FBLN1: variants seen among roughly 807,000 people sequenced by gnomAD.
FBLN1 encodes the protein fibulin-1.
In FBLN1, 34 loss-of-function variants were observed where a neutral mutation model predicts 89.7. The observed-to-expected ratio is 0.38, with a 90% confidence interval of 0.29 to 0.50. FBLN1 has a LOEUF of 0.50. FBLN1 is among the 20% of genes least tolerant of loss of function. The pLI is 0.92. For missense variants in FBLN1, 777 were observed against 988.1 expected (o/e 0.79, Z 2.86); for synonymous variants, 393 against 391.3 (o/e 1.00, Z -0.05).
intron 7 of FBLN1, among the ~76,000 whole-genome samples, chr22:45,534,606 G>T (rs1306171795): frequency 6.6e-6 from 1 of 152,162 alleles, no homozygotes; most frequent in Non-Finnish European, 1.5e-5. Flanking sequence ...TCAAAGCATG[G>T]CACACCCCTT....
At chr22:45,517,201 A>T (rs2088181370) in intron 1 of FBLN1, 1 of 237,056 alleles carries the variant, frequency 4.2e-6, no homozygotes, top group South Asian at 4.7e-5. Context: ...GCCCAGTGGG[A>T]TTTACCCTCT....
chr22:45,548,939 C>G (rs1310473271), intron 13 of FBLN1, among the ~76,000 whole-genome samples, 195 bp downstream of exon 13: 1 of 152,192 alleles, frequency 6.6e-6, no homozygotes, highest in Non-Finnish European at 1.5e-5. Flanking sequence ...CTCCTACACC[C>G]AGGCCCCAGC....
At chr22:45,596,733 A>G (rs912861894) in intron 16 of FBLN1, among the ~76,000 whole-genome samples, 1 of 147,724 alleles carries the variant, frequency 6.8e-6, no homozygotes, top group Admixed American at 6.8e-5. Context: ...TAAATTTTAG[A>G]GTAAATGTAA....
intron 14 of FBLN1, among the ~76,000 whole-genome samples, chr22:45,571,858 C>T (rs530742519): frequency 8.5e-5 from 13 of 152,236 alleles, no homozygotes; most frequent in African/African-American, 1.9e-4. Context: ...AGGCCAGGCG[C>T]GGTGGCTCAC....
intron 2 of FBLN1, among the ~76,000 whole-genome samples, chr22:45,521,708 G>C (rs1202135733): frequency 1.3e-5 from 2 of 152,192 alleles, no homozygotes; most frequent in African/African-American, 2.4e-5. Context: ...CGGGTGAGCA[G>C]GACCCCGCCC....
intron 10 of FBLN1, 33 bp from the exon 11 acceptor site, chr22:45,543,368 A>G (rs547579782): frequency 3.4e-5 from 55 of 1,608,852 alleles, no homozygotes; most frequent in Admixed American, 1.7e-4. Context: ...TGTGTTGGAC[A>G]TTGCCCTGAG....
chr22:45,555,072 T>TGGG (rs1440461897), intron 14 of FBLN1, among the ~76,000 whole-genome samples: 1 of 150,494 alleles, frequency 6.6e-6, no homozygotes, highest in African/African-American at 2.5e-5. Context: ...CGCAGGAGGT[T>TGGG]AGGACCCGTC....
At chr22:45,546,597 C>T (rs1405982287) in intron 11 of FBLN1, among the ~76,000 whole-genome samples, 2 of 152,234 alleles carry the variant, frequency 1.3e-5, no homozygotes, top group Non-Finnish European at 2.9e-5. Flanking sequence ...CTGACCTCTG[C>T]TTTAGGTAAA....
At chr22:45,528,420 C>T (rs746990394) in intron 4 of FBLN1, among the ~76,000 whole-genome samples, 7 of 152,190 alleles carry the variant, frequency 4.6e-5, no homozygotes, top group South Asian at 2.1e-4. Flanking sequence ...TCTTGGCTCA[C>T]GGCAACCTCC....
chr22:45,550,688 G>A lies in FBLN1; in HGVS notation c.1697+73G>A. On this transcript the variant is annotated intron_variant, in intron 14 of 16. Coordinates refer to ENST00000327858, the MANE Select transcript of FBLN1 (RefSeq NM_006486.3). The surrounding 1 kb of genome is among the most constrained non-coding windows in gnomAD (Gnocchi z 8.4). ...CTGGTGACCCAGTTCCCGGGTGGGT[G>A]GGTTATCAGGCTGTGACCTCGGTGT... 1 of 1,608,288 alleles carries A rather than the reference G, an allele frequency of 6.2e-7. No individual in the cohort carries two copies. Among genetic ancestry groups the A allele is most frequent in the South Asian group, 1.1e-5 (1 of 90,830 alleles).
chr22:45,504,412 C>A (rs2087990154), intron 1 of FBLN1, among the ~76,000 whole-genome samples: 1 of 152,098 alleles, frequency 6.6e-6, no homozygotes, highest in Admixed American at 6.5e-5. Flanking sequence ...CTGGGGGCTC[C>A]CTGGAGGCTC....
At chr22:45,505,922 T>C (rs2088013451) in intron 1 of FBLN1, among the ~76,000 whole-genome samples, 1 of 152,112 alleles carries the variant, frequency 6.6e-6, no homozygotes, top group African/African-American at 2.4e-5. Context: ...CAGGCGCCCA[T>C]CACGCCCAGC....
chr22:45,531,760 G>A lies in FBLN1; in HGVS notation c.544+436G>A, dbSNP rs998780374. On this transcript the variant is annotated intron_variant, in intron 5 of 16. Coordinates refer to ENST00000327858, the MANE Select transcript of FBLN1 (RefSeq NM_006486.3). This position sits in a 1 kb window ranked among gnomAD's most constrained non-coding sequence, Gnocchi z 4.9. ...GTGGGCTTACCAAGGAGGGGCCCTG[G>A]TGAGGCCCTGCTGGGGAGGGTGGCC... 1.1e-4 allele frequency among the ~76,000 whole-genome samples: 17 copies of A among 152,162 alleles called. No individual in the cohort carries two copies. Among genetic ancestry groups the A allele is most frequent in the Admixed American group, 8.5e-4 (13 of 15,276 alleles).
In FBLN1 at chr22:45,533,789, C is replaced by T. The variant is rs749594164; in HGVS notation, c.675C>T (p.His225=). The T allele has an allele frequency of 8.1e-6, 13 of 1,613,292 alleles. No homozygotes were observed. In the South Asian group the frequency reaches 1.3e-4, roughly 16 times the overall value. ...TCAATGAATGCATCACGGGCAGCCACAGCTGCCGGCTTGGAGAATCCTGCA... is the reference window on the plus strand; with the variant it reads ...TCAATGAATGCATCACGGGCAGCCATAGCTGCCGGCTTGGAGAATCCTGCA... ...EDVNECITGS[H]SCRLGESCIN... The change falls in exon 7 of 17, where the codon CAC becomes CAT. Residue 225 remains histidine (H), a synonymous_variant. Transcript: ENST00000327858.
At chr22:45,565,417 G>GT in intron 14 of FBLN1, 2 of 548,934 alleles carry the variant, frequency 3.6e-6, no homozygotes, top group South Asian at 3.9e-5. Flanking sequence ...CCTTCTTGTG[G>GT]CTTTAGCATG....
chr22:45,552,876 C>T (rs997469913), intron 14 of FBLN1, among the ~76,000 whole-genome samples: 2 of 794 alleles, frequency 2.5e-3, no homozygotes, highest in African/African-American at 0.014. Context: ...GCAAAGCTGT[C>T]CCACAGCCTT....
At position 45,576,932 on chromosome 22, in the gene FBLN1, G is replaced by A. The variant is rs2089002218; in HGVS notation, c.1841-45G>A. The A allele has an allele frequency of 6.2e-7, 1 of 1,610,918 alleles. No individual in the cohort carries two copies. The highest frequency in any genetic ancestry group is 8.5e-7 in the Non-Finnish European group (1 of 1,179,634). The stretch of plus-strand genomic sequence containing the variant: ...TGGGGACGAGGCTGGGACTGGGGCT[G>A]GGGCCAGGCTGTGCTGAGCCCTTCT... On this transcript the variant is annotated intron_variant, in intron 15 of 16. Transcript: ENST00000327858. This position sits in a 1 kb window ranked among gnomAD's most constrained non-coding sequence, Gnocchi z 5.2.
chr22:45,546,474 G>T (rs368623736), intron 11 of FBLN1, among the ~76,000 whole-genome samples: 1 of 152,186 alleles, frequency 6.6e-6, no homozygotes, highest in African/African-American at 2.4e-5. Context: ...TCGGCCTCCC[G>T]AAGTGCTGGA....
At chr22:45,534,292 C>CAAAAAAAA (rs136746) in intron 7 of FBLN1, among the ~76,000 whole-genome samples, 7 of 83,208 alleles carry the variant, frequency 8.4e-5, no homozygotes, top group East Asian at 4.4e-4. Context: ...GTACTTTCTA[C>CAAAAAAAA]AAAAAAAAAA....
Sources: allele counts gnomAD v4.1 joint callset (sites outside exome capture counted in the v4.1 genomes callset), GRCh38; gene constraint gnomAD v4.1.1; non-coding constraint Gnocchi (gnomAD v3.1); transcripts MANE v1.5; gene names NCBI Gene and HGNC (gene_info 2026-07-23, HGNC 2026-07-21).